Variants in OR1J2 observed in about 807,000 individuals in gnomAD.
The protein encoded by OR1J2 is olfactory receptor 1J2.
For synonymous variants in OR1J2, 142 were observed against 99.7 expected, an observed-to-expected ratio of 1.42 and a Z score of -2.52; for missense variants, 304 against 246.1, an observed-to-expected ratio of 1.24 and a Z score of -1.57.
Position 122,511,022 on chromosome 9 carries a change from C to T in OR1J2, c.221C>T (p.Ser74Leu). 1 of 1,583,930 alleles carries T rather than the reference C, an allele frequency of 6.3e-7. No homozygotes were observed. The highest frequency in any genetic ancestry group is 8.7e-7 in the Non-Finnish European group (1 of 1,154,200). ...SHLALTDISF[S>L]SVTVPKMLMD... Reference sequence around the variant, plus strand: ...TTGGCTCTCACTGACATCTCCTTTTCATCTGTCACTGTCCCTAAGATGCTG... The same window carrying T: ...TTGGCTCTCACTGACATCTCCTTTTTATCTGTCACTGTCCCTAAGATGCTG... Residue 74 changes from serine (S) to leucine (L), a missense_variant, in exon 1 of 1, where the codon TCA (serine) becomes TTA (leucine). By Grantham distance (145) the Ser-to-Leu change is moderately radical. Coordinates refer to ENST00000335302, the MANE Select transcript of OR1J2 (RefSeq NM_054107.1).
At chr9:122,568,251 G>A in the OR1J2 span, 9 of 1,614,042 alleles carry the variant, frequency 5.6e-6, no homozygotes, top group Non-Finnish European at 7.6e-6. Flanking sequence ...GACAACGCTT[G>A]TTGTAAAGCA....
At chr9:122,534,531 G>C in the OR1J2 span, among the ~76,000 whole-genome samples, 39 of 152,140 alleles carry the variant, frequency 2.6e-4, no homozygotes, top group African/African-American at 8.4e-4. Flanking sequence ...GATATTGCTG[G>C]GCAGGTGGGG....
chr9:122,562,361 AG>A, the OR1J2 span, among the ~76,000 whole-genome samples: 4 of 152,230 alleles, frequency 2.6e-5, no homozygotes, highest in Non-Finnish European at 4.4e-5. Context: ...AACTCCTCCC[AG>A]GAAGTCAGCA....
At chr9:122,577,589 A>G in the OR1J2 span, among the ~76,000 whole-genome samples, 1 of 152,204 alleles carries the variant, frequency 6.6e-6, no homozygotes, top group African/African-American at 2.4e-5. Context: ...AAAATAATAA[A>G]ATAACAGTGA....
chr9:122,518,306 G>A, the OR1J2 span, among the ~76,000 whole-genome samples: 4 of 152,306 alleles, frequency 2.6e-5, no homozygotes, highest in Non-Finnish European at 4.4e-5. Flanking sequence ...TGTCTTAGTC[G>A]GTTGGGCTGC....
At chr9:122,566,002 G>A in the OR1J2 span, among the ~76,000 whole-genome samples, 1 of 152,144 alleles carries the variant, frequency 6.6e-6, no homozygotes, top group Non-Finnish European at 1.5e-5. Flanking sequence ...GGGATCTATG[G>A]AGTATGATCC....
the OR1J2 span, among the ~76,000 whole-genome samples, chr9:122,577,744 A>G: frequency 1.3e-5 from 2 of 152,334 alleles, no homozygotes; most frequent in African/African-American, 4.8e-5. Context: ...AATATTTTTC[A>G]CTTTAAGAAA....
chr9:122,563,586 T>C, the OR1J2 span, among the ~76,000 whole-genome samples: 1 of 152,270 alleles, frequency 6.6e-6, no homozygotes, highest in South Asian at 2.1e-4. Flanking sequence ...GTTGATTGTT[T>C]CCTCTGCTGC....
At chr9:122,574,759 C>A in the OR1J2 span, among the ~76,000 whole-genome samples, 1 of 152,030 alleles carries the variant, frequency 6.6e-6, no homozygotes, top group Non-Finnish European at 1.5e-5. Context: ...GCATTCTTAT[C>A]TTGTTCCTGA....
chr9:122,510,968 A>G lies in OR1J2; in HGVS notation c.167A>G (p.His56Arg). Residue 56 changes from histidine to arginine, a missense_variant, in exon 1 of 1, where the codon CAC becomes CGC. Physicochemically the swap from His to Arg is conservative, Grantham distance 29. Coordinates refer to ENST00000335302, the MANE Select transcript of OR1J2 (RefSeq NM_054107.1). ...CTCATCCAGCTGGACTCTCACCTTCACACCCCCATGTACTTCTTCCTCAGC... is the reference window on the plus strand; with the variant it reads ...CTCATCCAGCTGGACTCTCACCTTCGCACCCCCATGTACTTCTTCCTCAGC... ...MLLIQLDSHL[H>R]TPMYFFLSHL... 6.2e-7 allele frequency: 1 copy of G among 1,611,830 alleles called. No homozygotes were observed. The highest frequency in any genetic ancestry group is 1.1e-5 in the South Asian group (1 of 91,018).
chr9:122,532,755 A>G, the OR1J2 span, among the ~76,000 whole-genome samples: 1 of 152,128 alleles, frequency 6.6e-6, no homozygotes, highest in Admixed American at 6.5e-5. Flanking sequence ...AGCCTAAAAC[A>G]GTAAGGTCAA....
chr9:122,452,373 T>A, the OR1J2 span, among the ~76,000 whole-genome samples: 1 of 152,218 alleles, frequency 6.6e-6, no homozygotes. Flanking sequence ...GTAAATGGCA[T>A]GCTTACCAGT....
chr9:122,495,569 G>A, the OR1J2 span, among the ~76,000 whole-genome samples: 1 of 151,948 alleles, frequency 6.6e-6, no homozygotes, highest in African/African-American at 2.4e-5. Flanking sequence ...CTATTTCACT[G>A]AAGAATTTTC....
upstream of OR1J2, among the ~76,000 whole-genome samples, chr9:122,507,090 T>C (rs1320337007): frequency 1.3e-5 from 2 of 152,198 alleles, no homozygotes; most frequent in African/African-American, 2.4e-5. Context: ...AACACAAATA[T>C]GGTGCCTTAT....
At chr9:122,477,450 A>G in the OR1J2 span, 7 of 1,613,938 alleles carry the variant, frequency 4.3e-6, no homozygotes, top group Non-Finnish European at 5.1e-6. Context: ...GGAGGAGGGT[A>G]TGCAAAAGAG....
chr9:122,447,527 A>T, the OR1J2 span: 1 of 152,118 alleles, frequency 6.6e-6, no homozygotes, highest in African/African-American at 2.4e-5. Flanking sequence ...GATACTGGGA[A>T]GCATACTCAA....
chr9:122,492,385 T>C, the OR1J2 span, among the ~76,000 whole-genome samples: 177 of 152,330 alleles, frequency 1.2e-3, 1 homozygote, highest in Middle Eastern at 3.4e-3. Flanking sequence ...CACATTTTTT[T>C]ATTTAGTCCA....
the OR1J2 span, chr9:122,477,367 A>G: frequency 2.5e-6 from 4 of 1,614,150 alleles, no homozygotes; most frequent in South Asian, 4.4e-5. Context: ...TGAGCAGGAC[A>G]ACTTGAGCAG....
chr9:122,494,834 C>G, the OR1J2 span, among the ~76,000 whole-genome samples: 1 of 151,978 alleles, frequency 6.6e-6, no homozygotes, highest in Non-Finnish European at 1.5e-5. Flanking sequence ...AGGATTTGTT[C>G]CAAGATTTAG....
Sources: gnomAD v4.1 joint callset for allele counts (sites outside exome capture counted in the v4.1 genomes callset) on GRCh38, gnomAD v4.1.1 for gene constraint, MANE v1.5 for transcripts, NCBI Gene and HGNC (gene_info 2026-07-23, HGNC 2026-07-21) for gene names.